Variants in SPAST observed in about 807,000 individuals in gnomAD.
SPAST encodes spastin.
A neutral mutation model predicts 76.6 loss-of-function variants in SPAST; 30 were observed. The ratio of observed to expected loss-of-function variants is 0.39; its 90% CI spans 0.29 to 0.53. The LOEUF is 0.53. Ranked by LOEUF, SPAST falls within the 20% of genes least tolerant of loss-of-function variation. The probability of loss-of-function intolerance (pLI) is 0.68; values close to 1 mark genes in which losing one functional copy is unlikely to be tolerated. For missense variants in SPAST, 717 were observed against 770.5 expected (o/e 0.93, Z 0.82); for synonymous variants, 305 against 281.0 (o/e 1.09, Z -0.86).
chr2:32,110,526 AGTGTG>A (rs1678518101), intron 4 of SPAST, among the ~76,000 whole-genome samples: 1 of 55,812 alleles, frequency 1.8e-5, no homozygotes, highest in Non-Finnish European at 3.7e-5. Context: ...TATACTATAT[AGTGTG>A]TATATATAGT....
At chr2:32,106,696 C>T (rs79229454) in intron 4 of SPAST, among the ~76,000 whole-genome samples, 1 of 152,174 alleles carries the variant, frequency 6.6e-6, no homozygotes, top group African/African-American at 2.4e-5. Flanking sequence ...TCAACTCTTT[C>T]CCTTGTGGCT....
At position 32,148,399 on chromosome 2, in the gene SPAST, C is replaced by T. The variant is rs554811168; in HGVS notation, c.1728+1141C>T. 3.1e-3 allele frequency among the ~76,000 whole-genome samples: 478 copies of T among 152,114 alleles called. 5 individuals carry two copies. The highest frequency in any genetic ancestry group is 4.0e-3 in the Non-Finnish European group (274 of 68,004). The stretch of plus-strand genomic sequence containing the variant: ...ACAGAAGAAAATTACAGGCCGGGTG[C>T]GGTGGCTCACGCCTGTAATCCCAGC... On this transcript the variant is annotated intron_variant, in intron 16 of 16. Coordinates refer to ENST00000315285, the MANE Select transcript of SPAST (RefSeq NM_014946.4).
intron 7 of SPAST, among the ~76,000 whole-genome samples, 160 bp downstream of exon 7, chr2:32,116,372 T>A (rs1413849987): frequency 6.6e-6 from 1 of 152,202 alleles, no homozygotes; most frequent in Non-Finnish European, 1.5e-5. Flanking sequence ...TAACAATTGA[T>A]GTTGAGAAGT....
chr2:32,081,918 T>G (rs1444122051), intron 1 of SPAST, among the ~76,000 whole-genome samples: 1 of 151,418 alleles, frequency 6.6e-6, no homozygotes, highest in Non-Finnish European at 1.5e-5. Flanking sequence ...GGTCCCTCCT[T>G]TCTAAATTTT....
At chr2:32,067,737 T>C (rs1322699963) in intron 1 of SPAST, among the ~76,000 whole-genome samples, 1 of 147,764 alleles carries the variant, frequency 6.8e-6, no homozygotes, top group South Asian at 2.2e-4. Flanking sequence ...TCAAGGCTCA[T>C]TCCTAGGCTT....
chr2:32,071,815 G>A (rs1676762531), intron 1 of SPAST, among the ~76,000 whole-genome samples: 1 of 152,120 alleles, frequency 6.6e-6, no homozygotes, highest in African/African-American at 2.4e-5. Context: ...TACAGATGAA[G>A]CCTCCAGGTA....
intron 1 of SPAST, among the ~76,000 whole-genome samples, chr2:32,078,632 A>G (rs1677071041): frequency 6.6e-6 from 1 of 152,210 alleles, no homozygotes; most frequent in Non-Finnish European, 1.5e-5. Context: ...CTTGGGTGAC[A>G]GAGTGAGACC....
In SPAST at chr2:32,143,427, G is replaced by A. The variant is rs1476502817; in HGVS notation, c.1616+12G>A. The A allele has an allele frequency of 6.5e-7, 1 of 1,544,628 alleles. No individual in the cohort carries two copies. The highest frequency in any genetic ancestry group is 1.1e-5 in the South Asian group (1 of 88,840). On this transcript the variant is annotated intron_variant, in intron 14 of 16. Transcript: ENST00000315285. ...GCACAACTTGCTAGGTGAGTAATTT[G>A]GATTTGGTTTATCTTACAGCTTTTA...
At chr2:32,145,140 G>A in intron 15 of SPAST, 133 bp downstream of exon 15, 1 of 645,008 alleles carries the variant, frequency 1.6e-6, no homozygotes, top group Non-Finnish European at 2.8e-6. Context: ...TGCCCAGGCT[G>A]TAGTGCAGTG....
At chr2:32,083,764 A>G (rs865906289) in intron 1 of SPAST, among the ~76,000 whole-genome samples, 2 of 45,230 alleles carry the variant, frequency 4.4e-5, no homozygotes, top group African/African-American at 9.6e-5. Context: ...ATATATATAT[A>G]TATATATATA....
At chr2:32,135,217 C>CCT (rs1408993148) in intron 9 of SPAST, among the ~76,000 whole-genome samples, 3 of 150,904 alleles carry the variant, frequency 2.0e-5, no homozygotes, top group Non-Finnish European at 4.4e-5. Flanking sequence ...GCAAGCTCCA[C>CCT]CTCCTGGGTT....
intron 15 of SPAST, among the ~76,000 whole-genome samples, chr2:32,145,700 A>C (rs948248051): frequency 6.6e-6 from 1 of 152,166 alleles, no homozygotes; most frequent in Non-Finnish European, 1.5e-5. Context: ...CTATGTTTTT[A>C]TTCAGGTTAC....
At chr2:32,128,683 C>A in intron 9 of SPAST, 1 of 565,400 alleles carries the variant, frequency 1.8e-6, no homozygotes, top group Non-Finnish European at 3.2e-6. Flanking sequence ...TTTACTGGGG[C>A]CATGTAATAA....
chr2:32,087,614 T>C (rs1365285745), intron 2 of SPAST, 36 bp downstream of exon 2: 1 of 1,009,076 alleles, frequency 9.9e-7, no homozygotes, highest in Admixed American at 1.8e-5. Flanking sequence ...TCCCAAATTA[T>C]GATATATTCA....
rs1167616881 is a variant in SPAST at position 32,155,304 on chromosome 2, T to C, written c.*808T>C. 1 of 152,614 alleles carries C rather than the reference T, an allele frequency of 6.6e-6. No individual in the cohort carries two copies. Among genetic ancestry groups the C allele is most frequent in the East Asian group, 1.9e-4 (1 of 5,200 alleles). The allele number at this position is 152,614 out of a possible 1,614,324, so 9.5% of individuals were successfully genotyped here. A position where few individuals can be genotyped will look rare whatever the true frequency, so the allele number is the denominator to read the frequency against. On this transcript the variant is annotated 3_prime_UTR_variant, in exon 17 of 17. Coordinates refer to ENST00000315285, the MANE Select transcript of SPAST (RefSeq NM_014946.4). ...TTTGTCAGAAATCTGTTGTAGACTG[T>C]TAACTTCTTCCTGATGGAATTTATT...
rs536140509 is a variant in SPAST at position 32,114,907 on chromosome 2, A to T, written c.870+82A>T. ...GATACTATTCCTGCTTAAGTTGATCATAAGTACTTTATAATACTTTAGAGA... is the reference window on the plus strand; with the variant it reads ...GATACTATTCCTGCTTAAGTTGATCTTAAGTACTTTATAATACTTTAGAGA... On this transcript the variant is annotated intron_variant, in intron 5 of 16. Coordinates refer to ENST00000315285, the MANE Select transcript of SPAST (RefSeq NM_014946.4). The T allele has an allele frequency of 5.0e-6, 5 of 1,008,788 alleles. No individual in the cohort carries two copies. The East Asian group carries it at 1.2e-4, about 24-fold the overall frequency. 62.5% of individuals were successfully genotyped at this position (1,008,788 alleles called of 1,614,324 possible).
At chr2:32,139,062 G>A (rs11683842) in intron 12 of SPAST, among the ~76,000 whole-genome samples, 56,578 of 151,944 alleles carry the variant, frequency 0.37, 10,910 homozygotes, top group East Asian at 0.64. Flanking sequence ...GGGCTGCTGT[G>A]TAGTTCGGTT....
At position 32,087,526 on chromosome 2, in the gene SPAST, G is replaced by T; in HGVS notation, c.450G>T (p.Lys150Asn). 1 of 1,609,274 alleles carries T rather than the reference G, an allele frequency of 6.2e-7. No homozygotes were observed. Among genetic ancestry groups the T allele is most frequent in the South Asian group, 1.1e-5 (1 of 90,912 alleles). The change falls in exon 2 of 17, where the codon AAG becomes AAT. Residue 150 changes from lysine to asparagine, a missense_variant. This residue lies in a region of SPAST where 543 missense variants were observed against 445.2 expected (regional missense o/e 1.22). Coordinates refer to ENST00000315285, the MANE Select transcript of SPAST (RefSeq NM_014946.4). Reference protein sequence around the residue: ...GQKEQAVEWYKKGIEELEKGI... With the variant: ...GQKEQAVEWYNKGIEELEKGI... Reference sequence around the variant, plus strand: ...AGGAGCAAGCTGTGGAATGGTATAAGAAAGGTATTGAAGAACTGGAAAAAG... The same window carrying T: ...AGGAGCAAGCTGTGGAATGGTATAATAAAGGTATTGAAGAACTGGAAAAAG...
intron 16 of SPAST, among the ~76,000 whole-genome samples, chr2:32,152,759 T>C (rs942619069): frequency 6.6e-6 from 1 of 151,680 alleles, no homozygotes; most frequent in Non-Finnish European, 1.5e-5. Context: ...TTGGGGTTTT[T>C]TTTTTTGAGA....
Sources: allele counts gnomAD v4.1 joint callset (sites outside exome capture counted in the v4.1 genomes callset), GRCh38; gene constraint gnomAD v4.1.1; regional missense constraint gnomAD v4.1.1; transcripts MANE v1.5; gene names NCBI Gene and HGNC (gene_info 2026-07-23, HGNC 2026-07-21).